The following EPB41L3 variants were observed in gnomAD, a reference collection of about 807,000 sequenced individuals.
EPB41L3 encodes the protein band 4.1-like protein 3.
Under a neutral mutation model 127.1 loss-of-function variants are expected in EPB41L3, and 57 were observed. The ratio of observed to expected loss-of-function variants is 0.45; its 90% confidence interval spans 0.36 to 0.56. The LOEUF (loss-of-function observed/expected upper bound fraction) is 0.56. EPB41L3 is among the 20% of genes least tolerant of loss of function. The pLI is 0.00. For synonymous variants in EPB41L3, 572 were observed against 549.5 expected, an observed-to-expected ratio of 1.04 and a Z score of -0.57; for missense variants, 1,273 against 1,372.2, an observed-to-expected ratio of 0.93 and a Z score of 1.14.
chr18:5,488,876 G>C, intron 2 of EPB41L3, 125 bp downstream of exon 2: 1 of 1,037,634 alleles, frequency 9.6e-7, no homozygotes, highest in Non-Finnish European at 1.3e-6. Flanking sequence ...TCATCTGCCT[G>C]GGGCTAGAAG....
At chr18:5,432,472 C>T (rs2079130177) in intron 8 of EPB41L3, among the ~76,000 whole-genome samples, 2 of 152,340 alleles carry the variant, frequency 1.3e-5, no homozygotes, top group South Asian at 2.1e-4. Context: ...GAAACAACCT[C>T]TGACCTTAAC....
upstream of EPB41L3, among the ~76,000 whole-genome samples, chr18:5,545,859 G>A (rs1196077836): frequency 1.4e-5 from 2 of 140,186 alleles, no homozygotes; most frequent in African/African-American, 5.4e-5. Flanking sequence ...TATCACATAC[G>A]CACCTGTATG....
chr18:5,588,921 G>A (rs2094462503), intron 3 of EPB41L3, among the ~76,000 whole-genome samples: 1 of 150,458 alleles, frequency 6.6e-6, no homozygotes, highest in African/African-American at 2.4e-5. Context: ...TGTATTTCCA[G>A]GCACCCAAGG....
At chr18:5,498,648 T>C (rs1040850668) in intron 1 of EPB41L3, among the ~76,000 whole-genome samples, 9 of 150,464 alleles carry the variant, frequency 6.0e-5, no homozygotes, top group Non-Finnish European at 8.9e-5. Context: ...TCATTTCCCT[T>C]AGCAAAGGCA....
upstream of EPB41L3, chr18:5,544,098 C>T (rs1012059454): frequency 1.1e-5 from 11 of 985,588 alleles, no homozygotes; most frequent in African/African-American, 3.5e-5. Context: ...GGCGGGGGCC[C>T]ACGCCCAGAG....
chr18:5,476,012 C>T (rs777627070), intron 3 of EPB41L3, among the ~76,000 whole-genome samples: 6 of 152,072 alleles, frequency 3.9e-5, no homozygotes, highest in Non-Finnish European at 8.8e-5. Context: ...CTTTACTTTC[C>T]ATTGTTTATA....
intron 9 of EPB41L3, among the ~76,000 whole-genome samples, chr18:5,425,833 G>A (rs935811883): frequency 4.6e-5 from 7 of 152,098 alleles, no homozygotes; most frequent in African/African-American, 1.7e-4. Context: ...CAGAAGCCAC[G>A]ACCTGCTGCC....
chr18:5,468,895 G>A (rs1358144853), intron 3 of EPB41L3, among the ~76,000 whole-genome samples: 1 of 152,018 alleles, frequency 6.6e-6, no homozygotes, highest in Non-Finnish European at 1.5e-5. Context: ...CAGCCTGGGC[G>A]ACAGAGAGAC....
chr18:5,504,621 G>A (rs1030964015), intron 1 of EPB41L3, among the ~76,000 whole-genome samples: 1 of 152,146 alleles, frequency 6.6e-6, no homozygotes, highest in African/African-American at 2.4e-5. Context: ...ACCAAATAGG[G>A]CCACAGATGA....
At chr18:5,532,936 G>A (rs1333549892) in intron 1 of EPB41L3, among the ~76,000 whole-genome samples, 1 of 151,908 alleles carries the variant, frequency 6.6e-6, no homozygotes, top group Non-Finnish European at 1.5e-5. Context: ...GAAATAAGAG[G>A]TATGATGGTA....
At chr18:5,423,759 G>T (rs2077776818) in intron 10 of EPB41L3, among the ~76,000 whole-genome samples, 1 of 152,158 alleles carries the variant, frequency 6.6e-6, no homozygotes, top group African/African-American at 2.4e-5. Flanking sequence ...GCAAATGAGG[G>T]TTGTACTGAA....
intron 3 of EPB41L3, among the ~76,000 whole-genome samples, chr18:5,570,580 C>A (rs575126373): frequency 1.1e-4 from 17 of 152,026 alleles, no homozygotes; most frequent in Middle Eastern, 3.4e-3. Context: ...TTTTTCTTTT[C>A]TTTTATTTTA....
intron 13 of EPB41L3, among the ~76,000 whole-genome samples, chr18:5,415,160 T>C (rs1401100234): frequency 6.6e-6 from 1 of 152,274 alleles, no homozygotes; most frequent in Admixed American, 6.5e-5. Context: ...ACTGCTGCAC[T>C]GCATGCCGTT....
chr18:5,520,353 A>C (rs1181824492), intron 1 of EPB41L3, among the ~76,000 whole-genome samples: 1 of 152,172 alleles, frequency 6.6e-6, no homozygotes, highest in Non-Finnish European at 1.5e-5. Flanking sequence ...ACAAAGTATA[A>C]TAATATATTT....
chr18:5,604,685 C>T (rs2143873559), intron 3 of EPB41L3, among the ~76,000 whole-genome samples: 1 of 152,262 alleles, frequency 6.6e-6, no homozygotes, highest in East Asian at 1.9e-4. Context: ...AACTTCTGGC[C>T]TCAAGTGATC....
At chr18:5,619,201 A>G (rs1316127468) in intron 1 of EPB41L3, among the ~76,000 whole-genome samples, 2 of 152,138 alleles carry the variant, frequency 1.3e-5, no homozygotes, top group African/African-American at 4.8e-5. Flanking sequence ...TGAAGTTCAG[A>G]AGCAGTAGGC....
chr18:5,493,078 A>G (rs2148372410), intron 1 of EPB41L3, among the ~76,000 whole-genome samples: 1 of 152,294 alleles, frequency 6.6e-6, no homozygotes, highest in Non-Finnish European at 1.5e-5. Flanking sequence ...CAAGAAAAAA[A>G]AGTCAGTTAA....
rs1465066855 is a variant in EPB41L3 at position 5,416,080 on chromosome 18, T to C, written c.1805A>G (p.Asp602Gly). Reference sequence around the variant, plus strand: ...GTTGGGGAAAGAGAGGTATCCATCATCATCTAGGAGGGAGGGGAATGACTC... The same window carrying C: ...GTTGGGGAAAGAGAGGTATCCATCACCATCTAGGAGGGAGGGGAATGACTC... ...LPESFPSLLD[D>G]DGYLSFPNLS... The change falls in exon 13 of 23, where the codon GAT becomes GGT. Residue 602 changes from aspartate to glycine, a missense_variant. By Grantham distance (94) the Asp-to-Gly change is moderately conservative (BLOSUM62 -1). Transcript: ENST00000341928. 1.9e-6 allele frequency: 3 copies of C among 1,612,842 alleles called. No homozygotes were observed. The highest frequency in any genetic ancestry group is 2.2e-5 in the East Asian group (1 of 44,870).
chr18:5,423,427 AAAGT>A lies in EPB41L3; in HGVS notation c.1286_1289del (p.Tyr429LeufsTer35). ...TATAACGTTTGCTGGATGAGCGTTC[AAAGT>A]AAGGTGCTGGGCGATCTATCAACGC... On this transcript the variant is annotated frameshift_variant, in exon 11 of 23. Coordinates refer to ENST00000341928, the MANE Select transcript of EPB41L3 (RefSeq NM_012307.5). LOFTEE classifies it high-confidence loss of function. The A allele has an allele frequency of 6.2e-7, 1 of 1,613,230 alleles. No individual in the cohort carries two copies. The highest frequency in any genetic ancestry group is 8.5e-7 in the Non-Finnish European group (1 of 1,179,354).
Sources: allele counts gnomAD v4.1 joint callset (sites outside exome capture counted in the v4.1 genomes callset), GRCh38; gene constraint gnomAD v4.1.1; transcripts MANE v1.5; gene names NCBI Gene and HGNC (gene_info 2026-07-23, HGNC 2026-07-21).